Variants in TMEM170B observed in about 807,000 individuals in gnomAD.
TMEM170B encodes transmembrane protein 170B.
TMEM170B carries 6 observed loss-of-function variants against 13.0 expected under a neutral mutation model. The ratio of observed to expected loss-of-function variants is 0.46; its 90% confidence interval spans 0.25 to 0.91. TMEM170B has a LOEUF of 0.91. Ranked by LOEUF, TMEM170B falls within the 40% of genes least tolerant of loss-of-function variation. TMEM170B has a pLI of 0.17. For missense variants in TMEM170B, 138 were observed against 165.2 expected, an observed-to-expected ratio of 0.84 and a Z score of 0.90; for synonymous variants, 61 against 64.9, an observed-to-expected ratio of 0.94 and a Z score of 0.29.
chr6:11,543,407 CCT>C (rs2113761289), intron 1 of TMEM170B, among the ~76,000 whole-genome samples: 2 of 152,164 alleles, frequency 1.3e-5, no homozygotes, highest in East Asian at 3.9e-4. Context: ...TTTATACATA[CCT>C]TTAAAACATG....
intron 2 of TMEM170B, among the ~76,000 whole-genome samples, chr6:11,569,999 A>G (rs561761739): frequency 4.0e-5 from 6 of 151,708 alleles, no homozygotes; most frequent in Non-Finnish European, 8.8e-5. Flanking sequence ...ACAGCTGTTG[A>G]TGGGCCTTTA....
In TMEM170B at chr6:11,575,372, T is replaced by C; in HGVS notation, c.269-59T>C. 1 of 1,599,740 alleles carries C rather than the reference T, an allele frequency of 6.3e-7. No individual in the cohort carries two copies. The highest frequency in any genetic ancestry group is 8.6e-7 in the Non-Finnish European group (1 of 1,168,686). On this transcript the variant is annotated intron_variant, in intron 2 of 2. Transcript: ENST00000379426. The surrounding 1 kb of genome is among the most constrained non-coding windows in gnomAD (Gnocchi z 4.1). ...TGAAAAGAGCTCTTAAGGTGCAGCA[T>C]GCAGTGTGTTATAAAACGAGTGACT...
chr6:11,573,726 C>T (rs1759837141), intron 2 of TMEM170B, among the ~76,000 whole-genome samples: 1 of 152,102 alleles, frequency 6.6e-6, no homozygotes, highest in Non-Finnish European at 1.5e-5. Flanking sequence ...TGATTGAAAA[C>T]TTAGTATCAG....
At chr6:11,548,651 T>C (rs1759473015) in intron 1 of TMEM170B, among the ~76,000 whole-genome samples, 1 of 152,178 alleles carries the variant, frequency 6.6e-6, no homozygotes, top group African/African-American at 2.4e-5. Context: ...CTATTCATAA[T>C]AGCAAAGACT....
intron 2 of TMEM170B, among the ~76,000 whole-genome samples, chr6:11,574,261 C>T (rs1429115699): frequency 6.6e-6 from 1 of 152,098 alleles, no homozygotes; most frequent in Non-Finnish European, 1.5e-5. Context: ...GGTAAGTACA[C>T]TATTTTAATT....
At chr6:11,548,353 A>G (rs1759467482) in intron 1 of TMEM170B, among the ~76,000 whole-genome samples, 1 of 152,352 alleles carries the variant, frequency 6.6e-6, no homozygotes, top group Admixed American at 6.5e-5. Context: ...CATCAGAGAA[A>G]TGCAAATCAA....
chr6:11,577,668 A>G lies in TMEM170B; in HGVS notation c.*2107A>G, dbSNP rs1224694377. 6.6e-6 allele frequency: 1 copy of G among 152,130 alleles called. No individual in the cohort carries two copies. Among genetic ancestry groups the G allele is most frequent in the Non-Finnish European group, 1.5e-5 (1 of 67,954 alleles). 9.4% of individuals were successfully genotyped at this position (152,130 alleles called of 1,614,324 possible). A position where few individuals can be genotyped will look rare whatever the true frequency, so the allele number is the denominator to read the frequency against. ...AACAAGAAAATAACTTGGATACATT[A>G]AATGTACTAATGTGTGGACCAAAGA... On this transcript the variant is annotated 3_prime_UTR_variant, in exon 3 of 3. Transcript: ENST00000379426.
chr6:11,562,197 C>A (rs755837439), intron 1 of TMEM170B, among the ~76,000 whole-genome samples: 6 of 151,984 alleles, frequency 3.9e-5, no homozygotes, highest in Non-Finnish European at 7.4e-5. Context: ...TATATTCTCA[C>A]TTTATTAGGT....
chr6:11,569,169 G>A (rs651001), intron 2 of TMEM170B, among the ~76,000 whole-genome samples: 67,128 of 151,612 alleles, frequency 0.44, 15,211 homozygotes, highest in South Asian at 0.63. Context: ...TTTTTATTAG[G>A]TTACAGATAT....
At chr6:11,555,271 C>T (rs931932188) in intron 1 of TMEM170B, among the ~76,000 whole-genome samples, 15 of 151,982 alleles carry the variant, frequency 9.9e-5, no homozygotes, top group Middle Eastern at 3.4e-3. Flanking sequence ...TATATTTGTT[C>T]CACTGTTTGT....
chr6:11,571,011 G>C (rs573850796), intron 2 of TMEM170B, among the ~76,000 whole-genome samples: 1 of 152,264 alleles, frequency 6.6e-6, no homozygotes, highest in South Asian at 2.1e-4. Context: ...GGGTGGGCCA[G>C]ATTTGTGGAT....
chr6:11,552,095 G>A (rs1319336682), intron 1 of TMEM170B, among the ~76,000 whole-genome samples: 10 of 152,158 alleles, frequency 6.6e-5, no homozygotes, highest in Non-Finnish European at 1.5e-5. Context: ...TTAGAACAAG[G>A]CCTAGGATGC....
At position 11,545,280 on chromosome 6, in the gene TMEM170B, C is replaced by CTCTCTGTGTGTGTGTG. The variant is rs1442789332; in HGVS notation, c.97+6907_97+6908insCTCTGTGTGTGTGTGT. Among the ~76,000 whole-genome samples the CTCTCTGTGTGTGTGTG allele has an allele frequency of 2.7e-3, 376 of 139,782 alleles. 2 individuals carry two copies. Among genetic ancestry groups the CTCTCTGTGTGTGTGTG allele is most frequent in the Middle Eastern group, 0.011 (3 of 270 alleles). 91.7% of individuals were successfully genotyped at this position (139,782 alleles called of 152,430 possible). On this transcript the variant is annotated intron_variant, in intron 1 of 2. Transcript: ENST00000379426. ...TTAAAAGGCTTCTCTCTCTCTCTCT[C>CTCTCTGTGTGTGTGTG]TGTGTGTGTGTGTGTGTGTGTGTGT...
chr6:11,558,525 T>C (rs530443119), intron 1 of TMEM170B, among the ~76,000 whole-genome samples: 23 of 152,294 alleles, frequency 1.5e-4, no homozygotes, highest in African/African-American at 5.3e-4. Flanking sequence ...ACCAATTAAA[T>C]CAGAATGTCT....
intron 2 of TMEM170B, among the ~76,000 whole-genome samples, chr6:11,566,538 T>TA (rs1759734900): frequency 6.6e-6 from 1 of 152,232 alleles, no homozygotes; most frequent in Non-Finnish European, 1.5e-5. Context: ...CCTCAGTTCT[T>TA]ACCTCCTCAG....
intron 1 of TMEM170B, among the ~76,000 whole-genome samples, chr6:11,563,417 C>T (rs1431443753): frequency 6.6e-6 from 1 of 152,084 alleles, no homozygotes; most frequent in African/African-American, 2.4e-5. Flanking sequence ...TCTAGGATAC[C>T]AACTGGGTGT....
intron 2 of TMEM170B, among the ~76,000 whole-genome samples, chr6:11,569,094 T>C (rs1451962504): frequency 6.6e-6 from 1 of 152,156 alleles, no homozygotes; most frequent in African/African-American, 2.4e-5. Flanking sequence ...ATTATATATT[T>C]AGGTTTTCTT....
chr6:11,555,421 G>C (rs1034397580), intron 1 of TMEM170B, among the ~76,000 whole-genome samples: 1 of 151,898 alleles, frequency 6.6e-6, no homozygotes, highest in Non-Finnish European at 1.5e-5. Flanking sequence ...GAAGTGGGAG[G>C]TATTTATCTT....
rs546648952 is a variant in TMEM170B, at chr6:11,543,237, G to A, written c.97+4863G>A. Among the ~76,000 whole-genome samples, 7 of 152,194 alleles carry A rather than the reference G, an allele frequency of 4.6e-5. No individual in the cohort carries two copies. In the South Asian group the frequency reaches 1.0e-3, roughly 23 times the overall value. On this transcript the variant is annotated intron_variant, in intron 1 of 2. Coordinates refer to ENST00000379426, the MANE Select transcript of TMEM170B (RefSeq NM_001100829.3). Reference sequence around the variant, plus strand: ...ACCCTAGCATTATAGTACCTGGCACGTAGTAAATGATAAATATATGTTTAT... The same window carrying A: ...ACCCTAGCATTATAGTACCTGGCACATAGTAAATGATAAATATATGTTTAT...
Sources: allele counts gnomAD v4.1 joint callset (sites outside exome capture counted in the v4.1 genomes callset), GRCh38; gene constraint gnomAD v4.1.1; non-coding constraint Gnocchi (gnomAD v3.1); transcripts MANE v1.5; gene names NCBI Gene and HGNC (gene_info 2026-07-23, HGNC 2026-07-21).